GLP2R: variants seen among roughly 807,000 people sequenced by gnomAD.
GLP2R encodes glucagon like peptide 2 receptor.
A neutral mutation model predicts 68.2 loss-of-function variants in GLP2R; 59 were observed. That is an observed-to-expected ratio of 0.87 (90% confidence interval 0.70 to 1.07). The LOEUF (loss-of-function observed/expected upper bound fraction) is 1.07, where lower values mean the gene tolerates loss of function less well. Ranked by LOEUF, GLP2R falls within the 50% of genes least tolerant of loss-of-function variation. The pLI is 0.00. For missense variants in GLP2R, 548 were observed against 677.4 expected (o/e 0.81, Z 2.12); for synonymous variants, 270 against 265.4 (o/e 1.02, Z -0.17).
At chr17:9,838,456 C>T (rs1230337545) in intron 3 of GLP2R, among the ~76,000 whole-genome samples, 1 of 152,196 alleles carries the variant, frequency 6.6e-6, no homozygotes, top group East Asian at 1.9e-4. Flanking sequence ...AACACCTGGA[C>T]TTCTCAGTAG....
chr17:9,864,968 C>A (rs1008440313), intron 9 of GLP2R, among the ~76,000 whole-genome samples: 3 of 152,208 alleles, frequency 2.0e-5, no homozygotes, highest in African/African-American at 7.2e-5. Context: ...CATGCTCTAT[C>A]TTCTCACTTT....
intron 3 of GLP2R, among the ~76,000 whole-genome samples, chr17:9,837,950 G>T (rs907720568): frequency 2.6e-5 from 4 of 152,092 alleles, no homozygotes; most frequent in African/African-American, 9.7e-5. Context: ...AATGTTTTGC[G>T]CCTCTAGAGC....
intron 10 of GLP2R, among the ~76,000 whole-genome samples, chr17:9,877,093 C>T (rs1412799560): frequency 2.0e-5 from 3 of 152,168 alleles, no homozygotes; most frequent in Non-Finnish European, 2.9e-5. Context: ...GAACTCAGGC[C>T]CAGATACTCT....
chr17:9,862,621 G>A (rs535077433), intron 9 of GLP2R, among the ~76,000 whole-genome samples: 1 of 152,322 alleles, frequency 6.6e-6, no homozygotes, highest in East Asian at 1.9e-4. Flanking sequence ...GGAATGGAAA[G>A]GGATGGCCAA....
At chr17:9,879,651 G>C (rs971869083) in intron 10 of GLP2R, among the ~76,000 whole-genome samples, 9 of 152,188 alleles carry the variant, frequency 5.9e-5, no homozygotes, top group African/African-American at 2.2e-4. Flanking sequence ...TGCAACATTT[G>C]GGTCCCAGCT....
Position 9,889,987 on chromosome 17 carries a change from A to C in GLP2R, c.*282A>C. Reference sequence around the variant, plus strand: ...AGGGCCTGGCTCTAAATTCAAGCCAATGAAGTCCCACCATGAAGAGAGGTC... The same window carrying C: ...AGGGCCTGGCTCTAAATTCAAGCCACTGAAGTCCCACCATGAAGAGAGGTC... On this transcript the variant is annotated 3_prime_UTR_variant, in exon 13 of 13. Transcript: ENST00000262441. 1 of 525,630 alleles carries C rather than the reference A, an allele frequency of 1.9e-6. No individual in the cohort carries two copies. The highest frequency in any genetic ancestry group is 3.7e-6 in the Non-Finnish European group (1 of 272,488). The allele number at this position is 525,630 out of a possible 1,614,324, so 32.6% of individuals were successfully genotyped here.
chr17:9,879,269 A>T (rs12944126), intron 10 of GLP2R, among the ~76,000 whole-genome samples: 4,428 of 27,400 alleles, frequency 0.16, 185 homozygotes, highest in East Asian at 0.26. Context: ...AATAAAATAA[A>T]ATAAAATAAA....
intron 11 of GLP2R, among the ~76,000 whole-genome samples, chr17:9,887,288 G>C (rs1169248994): frequency 6.6e-6 from 1 of 152,054 alleles, no homozygotes; most frequent in Non-Finnish European, 1.5e-5. Context: ...TGTACTTTGG[G>C]AGCCAAGGCA....
chr17:9,841,566 G>A (rs1418184615), intron 3 of GLP2R, among the ~76,000 whole-genome samples: 2 of 152,174 alleles, frequency 1.3e-5, no homozygotes, highest in Non-Finnish European at 2.9e-5. Context: ...TGAAGTTTAG[G>A]GCCGGGGGAT....
At chr17:9,847,518 T>G (rs1411306665) in intron 4 of GLP2R, among the ~76,000 whole-genome samples, 1 of 152,172 alleles carries the variant, frequency 6.6e-6, no homozygotes, top group East Asian at 1.9e-4. Context: ...TCTGTCCGCC[T>G]CAGCCTCCCA....
intron 4 of GLP2R, chr17:9,853,205 T>C (rs1795254894): frequency 1.9e-5 from 7 of 365,306 alleles, no homozygotes; most frequent in Non-Finnish European, 3.6e-5. Context: ...CTTTTCATCA[T>C]TGTCCGCCTT....
At chr17:9,882,940 C>A (rs1251761837) in intron 11 of GLP2R, among the ~76,000 whole-genome samples, 1 of 131,864 alleles carries the variant, frequency 7.6e-6, no homozygotes, top group Admixed American at 7.8e-5. Flanking sequence ...CAGTTTTTTC[C>A]AAAAATATGA....
chr17:9,830,980 G>A (rs964685029), intron 1 of GLP2R, among the ~76,000 whole-genome samples: 2 of 152,228 alleles, frequency 1.3e-5, no homozygotes, highest in African/African-American at 2.4e-5. Context: ...TACTTAATAA[G>A]TGGGGCTTTA....
At position 9,879,398 on chromosome 17, in the gene GLP2R, G is replaced by A. The variant is rs190489308; in HGVS notation, c.1146-980G>A. Among the ~76,000 whole-genome samples the A allele has an allele frequency of 6.4e-4, 97 of 152,084 alleles. 1 individual carries two copies. The East Asian group carries it at 0.016, about 25-fold the overall frequency. On this transcript the variant is annotated intron_variant, in intron 10 of 12. Coordinates refer to ENST00000262441, the MANE Select transcript of GLP2R (RefSeq NM_004246.3). ...TATAGTCCCAGCTTCTCTGGAGTCC[G>A]AAGCAGGAGGATTGCTTGAGCCCAG...
chr17:9,873,522 C>A (rs79871388), intron 10 of GLP2R, among the ~76,000 whole-genome samples: 1 of 144,230 alleles, frequency 6.9e-6, no homozygotes, highest in Non-Finnish European at 1.5e-5. Flanking sequence ...TTTGCTTATC[C>A]GTTGTGGTGG....
rs965714357 is a variant in GLP2R, at chr17:9,848,602, C to G, written c.505-5893C>G. On this transcript the variant is annotated intron_variant, in intron 4 of 12. Coordinates refer to ENST00000262441, the MANE Select transcript of GLP2R (RefSeq NM_004246.3). ...TCAAAAACAGGAAGTAAAGATTTCT[C>G]TCTTCGGAAAAGTGAGGACAAGAGC... Among the ~76,000 whole-genome samples the G allele has an allele frequency of 7.9e-5, 12 of 152,252 alleles. No homozygotes were observed. In the East Asian group the frequency reaches 1.5e-3, roughly 20 times the overall value.
At chr17:9,861,083 G>T in intron 7 of GLP2R, 56 bp from the exon 8 acceptor site, 1 of 1,244,786 alleles carries the variant, frequency 8.0e-7, no homozygotes, top group Non-Finnish European at 1.2e-6. Flanking sequence ...GTGGTGGGAG[G>T]CAAGCAGGTT....
chr17:9,875,133 C>A (rs966940423), intron 10 of GLP2R, among the ~76,000 whole-genome samples: 2 of 152,192 alleles, frequency 1.3e-5, no homozygotes, highest in Admixed American at 1.3e-4. Context: ...ATTTAACTCC[C>A]TGCGCTGGTA....
intron 1 of GLP2R, among the ~76,000 whole-genome samples, chr17:9,831,442 T>C (rs900547234): frequency 1.3e-5 from 2 of 152,010 alleles, no homozygotes; most frequent in Admixed American, 1.3e-4. Context: ...ACCAATGACA[T>C]TGCAGTGTGA....
Sources: gnomAD v4.1 joint callset for allele counts (sites outside exome capture counted in the v4.1 genomes callset) on GRCh38, gnomAD v4.1.1 for gene constraint, MANE v1.5 for transcripts, NCBI Gene and HGNC (gene_info 2026-07-23, HGNC 2026-07-21) for gene names.